ITIH5: variants seen among roughly 807,000 people sequenced by gnomAD.
ITIH5 encodes inter-alpha-trypsin inhibitor heavy chain 5.
ITIH5 carries 65 observed loss-of-function variants against 77.5 expected under a neutral mutation model. The ratio of observed to expected loss-of-function variants is 0.84; its 90% confidence interval spans 0.69 to 1.03. The LOEUF (loss-of-function observed/expected upper bound fraction) is 1.03. ITIH5 is among the 50% of genes least tolerant of loss of function. The probability of loss-of-function intolerance (pLI) is 0.00; values close to 1 mark genes in which losing one functional copy is unlikely to be tolerated. For synonymous variants in ITIH5, 525 were observed against 494.3 expected, an observed-to-expected ratio of 1.06 and a Z score of -0.82; for missense variants, 1,208 against 1,213.1, an observed-to-expected ratio of 1.00 and a Z score of 0.06.
intron 9 of ITIH5, among the ~76,000 whole-genome samples, chr10:7,577,961 T>C (rs920178791): frequency 6.6e-6 from 1 of 152,252 alleles, no homozygotes. Context: ...CAAATGGCTA[T>C]GTGACTATGT....
In ITIH5 at chr10:7,619,657, G is replaced by C. The variant is rs968151174; in HGVS notation, c.653-2375C>G. On this transcript the variant is annotated intron_variant, in intron 5 of 13. Transcript: ENST00000397146. Reference sequence around the variant, plus strand: ...AAACGCAAAGCGAACACGTCTACAAGGCGGCAGGAGCGAGAGACAGAACTG... The same window carrying C: ...AAACGCAAAGCGAACACGTCTACAACGCGGCAGGAGCGAGAGACAGAACTG... 12 of 305,684 alleles carry C rather than the reference G, an allele frequency of 3.9e-5. No homozygotes were observed. The Admixed American group carries it at 4.1e-4, about 11-fold the overall frequency. 18.9% of individuals were successfully genotyped at this position (305,684 alleles called of 1,614,324 possible). A position where few individuals can be genotyped will look rare whatever the true frequency, so the allele number is the denominator to read the frequency against.
intron 7 of ITIH5, among the ~76,000 whole-genome samples, chr10:7,597,063 A>AAAAAAAAAAAAAAAT (rs750714870): frequency 5.6e-5 from 8 of 142,638 alleles, no homozygotes; most frequent in Non-Finnish European, 1.1e-4. Context: ...AAAAAAAAAA[A>AAAAAAAAAAAAAAAT]ATTCCACCAA....
intron 11 of ITIH5, 56 bp downstream of exon 11, chr10:7,573,086 C>T (rs1832337018): frequency 1.3e-6 from 2 of 1,549,212 alleles, no homozygotes; most frequent in African/African-American, 2.7e-5. Flanking sequence ...CCTGGTTTTA[C>T]ACTTTTTAAA....
chr10:7,574,628 C>T (rs1054364987), intron 10 of ITIH5, among the ~76,000 whole-genome samples: 2 of 151,792 alleles, frequency 1.3e-5, no homozygotes, highest in Non-Finnish European at 2.9e-5. Context: ...CCCATCTCTA[C>T]TAAAAATACA....
chr10:7,654,354 G>A (rs948622441), intron 2 of ITIH5, among the ~76,000 whole-genome samples: 1 of 152,138 alleles, frequency 6.6e-6, no homozygotes, highest in Admixed American at 6.5e-5. Context: ...ATGAATCTCT[G>A]GTGTTTCTGC....
At position 7,600,574 on chromosome 10, in the gene ITIH5, G is replaced by A. The variant is rs146371823; in HGVS notation, c.940-14505C>T. The A allele has an allele frequency of 8.1e-3, 3,697 of 456,736 alleles. 28 individuals are homozygous for A. The highest frequency in any genetic ancestry group is 0.012 in the Non-Finnish European group (2,724 of 226,960). The allele number at this position is 456,736 out of a possible 1,614,324, so 28.3% of individuals were successfully genotyped here. Reference sequence around the variant, plus strand: ...TCCAGTTACACGTGCACCTAGAAGAGATGATTGGGAAATCACTAATTATCT... The same window carrying A: ...TCCAGTTACACGTGCACCTAGAAGAAATGATTGGGAAATCACTAATTATCT... On this transcript the variant is annotated intron_variant, in intron 7 of 13. Coordinates refer to ENST00000397146, the MANE Select transcript of ITIH5 (RefSeq NM_030569.7).
chr10:7,612,556 C>T (rs765074246), intron 7 of ITIH5, among the ~76,000 whole-genome samples: 3 of 151,778 alleles, frequency 2.0e-5, no homozygotes, highest in Non-Finnish European at 2.9e-5. Flanking sequence ...ATTCGGTAGT[C>T]ACAGGAATTC....
At chr10:7,582,527 T>C (rs1419875533) in intron 8 of ITIH5, among the ~76,000 whole-genome samples, 1 of 152,182 alleles carries the variant, frequency 6.6e-6, no homozygotes, top group Non-Finnish European at 1.5e-5. Flanking sequence ...GTCCAATTCA[T>C]GATTTGTAGT....
chr10:7,589,547 A>G (rs1397036800), intron 7 of ITIH5, among the ~76,000 whole-genome samples: 2 of 152,138 alleles, frequency 1.3e-5, no homozygotes, highest in East Asian at 1.9e-4. Context: ...TTCTCATCCT[A>G]CTGAAGAATG....
intron 8 of ITIH5, among the ~76,000 whole-genome samples, chr10:7,583,705 T>A (rs1438170304): frequency 6.6e-6 from 1 of 152,186 alleles, no homozygotes; most frequent in Non-Finnish European, 1.5e-5. Context: ...TGAACTGGCA[T>A]TTTTTTCTCT....
chr10:7,617,496 C>A, intron 5 of ITIH5: 1 of 377,898 alleles, frequency 2.6e-6, no homozygotes, highest in Non-Finnish European at 4.6e-6. Flanking sequence ...TTCTTATGAA[C>A]ATTTTTAAAA....
chr10:7,586,630 G>A (rs1033652867), intron 7 of ITIH5, among the ~76,000 whole-genome samples: 9 of 152,172 alleles, frequency 5.9e-5, no homozygotes, highest in Non-Finnish European at 1.3e-4. Flanking sequence ...GTGACAAGAA[G>A]GAGGTGCTAG....
chr10:7,638,013 A>G (rs561889332), intron 4 of ITIH5, among the ~76,000 whole-genome samples: 1 of 152,356 alleles, frequency 6.6e-6, no homozygotes, highest in African/African-American at 2.4e-5. Context: ...GGGTTCTCTT[A>G]TTCAAAATGG....
chr10:7,575,152 C>T (rs773373148), intron 10 of ITIH5, among the ~76,000 whole-genome samples: 3 of 152,220 alleles, frequency 2.0e-5, no homozygotes, highest in Non-Finnish European at 4.4e-5. Context: ...TCCGTGCCTC[C>T]ACGGAAGGCG....
chr10:7,610,005 CA>C (rs1300011307), intron 7 of ITIH5, among the ~76,000 whole-genome samples: 4 of 149,796 alleles, frequency 2.7e-5, no homozygotes, highest in Non-Finnish European at 4.4e-5. Flanking sequence ...CAACTAACAA[CA>C]AAAAAAAGAA....
rs1349533250 is a variant in ITIH5 at position 7,628,756 on chromosome 10, C to T, written c.652+8472G>A. 2.3e-4 allele frequency among the ~76,000 whole-genome samples: 28 copies of T among 119,782 alleles called. 5 individuals carry two copies. The highest frequency in any genetic ancestry group is 3.6e-4 in the Non-Finnish European group (21 of 57,686). 78.6% of individuals were successfully genotyped at this position (119,782 alleles called of 152,430 possible). A position where few individuals can be genotyped will look rare whatever the true frequency, so the allele number is the denominator to read the frequency against. ...GTTGCAGCGTGTGTCCATGTTGCAG[C>T]GTGTGTCCATGTTGTAGCGTGTGTC... On this transcript the variant is annotated intron_variant, in intron 5 of 13. Coordinates refer to ENST00000397146, the MANE Select transcript of ITIH5 (RefSeq NM_030569.7).
chr10:7,596,344 G>A (rs528433765), intron 7 of ITIH5, among the ~76,000 whole-genome samples: 3 of 152,228 alleles, frequency 2.0e-5, no homozygotes, highest in East Asian at 3.9e-4. Context: ...AAGTAGAATC[G>A]CGTCTAATAA....
At chr10:7,588,931 A>G (rs1832736935) in intron 7 of ITIH5, among the ~76,000 whole-genome samples, 1 of 152,228 alleles carries the variant, frequency 6.6e-6, no homozygotes, top group Non-Finnish European at 1.5e-5. Flanking sequence ...AGACTGGATT[A>G]AAATGCAGGG....
In ITIH5 at chr10:7,576,662, A is replaced by T. The variant is rs138660284; in HGVS notation, c.1769T>A (p.Leu590Gln). The change falls in exon 10 of 14, where the codon CTG (leucine) becomes CAG (glutamine). Residue 590 changes from leucine to glutamine, a missense_variant. By Grantham distance (113) the Leu-to-Gln change is moderately radical (BLOSUM62 -2). Coordinates refer to ENST00000397146, the MANE Select transcript of ITIH5 (RefSeq NM_030569.7). The part of the protein sequence containing the change: ...LTTKELLSSW[L>Q]QSDDEPEKER... ...CTTCTCCGGTTCATCGTCACTTTGC[A>T]GCCAGGAGCTCAGCAGCTCCTTTGT... The T allele has an allele frequency of 1.2e-6, 2 of 1,614,072 alleles. No individual in the cohort carries two copies. The highest frequency in any genetic ancestry group is 2.7e-5 in the African/African-American group (2 of 74,930).
Sources: gnomAD v4.1 joint callset for allele counts (sites outside exome capture counted in the v4.1 genomes callset) on GRCh38, gnomAD v4.1.1 for gene constraint, MANE v1.5 for transcripts, NCBI Gene and HGNC (gene_info 2026-07-23, HGNC 2026-07-21) for gene names.